The following CENPP variants were observed in gnomAD, a reference collection of about 807,000 sequenced individuals.
The protein encoded by CENPP is centromere protein P.
Under a neutral mutation model 35.6 loss-of-function variants are expected in CENPP, and 24 were observed. That is an observed-to-expected ratio of 0.67 (90% CI 0.49 to 0.95). CENPP has a LOEUF of 0.95. CENPP is among the 40% of genes least tolerant of loss of function. The pLI is 0.00. For missense variants in CENPP, 332 were observed against 345.3 expected (o/e 0.96, Z 0.31); for synonymous variants, 120 against 125.5 (o/e 0.96, Z 0.29).
intron 5 of CENPP, among the ~76,000 whole-genome samples, chr9:92,533,042 T>C (rs1419638642): frequency 6.6e-6 from 1 of 151,864 alleles, no homozygotes; most frequent in Non-Finnish European, 1.5e-5. Context: ...CTCAAGTCTG[T>C]AATGACAGCA....
At chr9:92,412,073 GAATT>G (rs894184002) in intron 5 of CENPP, among the ~76,000 whole-genome samples, 25 of 152,108 alleles carry the variant, frequency 1.6e-4, no homozygotes, top group African/African-American at 4.1e-4. Flanking sequence ...TTTAATTAAT[GAATT>G]AATTAATTAA....
At chr9:92,386,168 T>G (rs1395672256) in intron 5 of CENPP, 1 of 1,446,142 alleles carries the variant, frequency 6.9e-7, no homozygotes, top group Admixed American at 1.7e-5. Flanking sequence ...CATAGGTAAT[T>G]AGAGTCAGAT....
intron 5 of CENPP, among the ~76,000 whole-genome samples, chr9:92,499,747 T>C (rs1013731763): frequency 6.6e-6 from 1 of 152,238 alleles, no homozygotes; most frequent in East Asian, 1.9e-4. Flanking sequence ...TTTTGTTTTG[T>C]CTTTGTAGGC....
At chr9:92,487,834 C>CA (rs1846095131) in intron 5 of CENPP, among the ~76,000 whole-genome samples, 2 of 152,046 alleles carry the variant, frequency 1.3e-5, no homozygotes, top group Non-Finnish European at 2.9e-5. Context: ...GACCCTGTCT[C>CA]AAAAAATAAA....
chr9:92,376,661 C>G (rs1207245983), intron 4 of CENPP, among the ~76,000 whole-genome samples: 2 of 152,158 alleles, frequency 1.3e-5, no homozygotes, highest in Non-Finnish European at 2.9e-5. Context: ...GCCGCCCCAC[C>G]CTAATCTTTT....
intron 3 of CENPP, 26 bp from the exon 4 acceptor site, chr9:92,345,673 T>A: frequency 7.6e-7 from 1 of 1,316,342 alleles, no homozygotes; most frequent in Non-Finnish European, 1.1e-6. Context: ...TGTGCTTTGA[T>A]ACAGAAATTT....
At chr9:92,329,309 C>T (rs980631087) in intron 1 of CENPP, among the ~76,000 whole-genome samples, 12 of 151,624 alleles carry the variant, frequency 7.9e-5, no homozygotes, top group Admixed American at 2.6e-4. Context: ...CTCAGCCTCC[C>T]GAGTAACTGG....
intron 5 of CENPP, among the ~76,000 whole-genome samples, chr9:92,455,409 A>G (rs1362700525): frequency 6.6e-6 from 1 of 151,872 alleles, no homozygotes; most frequent in Non-Finnish European, 1.5e-5. Flanking sequence ...TAAAAAACAA[A>G]CAAAAACCTG....
chr9:92,459,525 G>T (rs905418011), intron 5 of CENPP: 1 of 1,085,960 alleles, frequency 9.2e-7, no homozygotes, highest in Non-Finnish European at 1.3e-6. Context: ...CATTATGTTT[G>T]AATCACCCTT....
intron 3 of CENPP, among the ~76,000 whole-genome samples, chr9:92,338,348 T>A (rs1307271984): frequency 2.0e-5 from 3 of 151,846 alleles, no homozygotes; most frequent in East Asian, 3.9e-4. Context: ...CAATTATCCC[T>A]CAGTATCTGT....
At position 92,615,631 on chromosome 9, in the gene CENPP, C is replaced by G; in HGVS notation, c.*2482C>G. On this transcript the variant is annotated 3_prime_UTR_variant, in exon 8 of 8. Coordinates refer to ENST00000375587, the MANE Select transcript of CENPP (RefSeq NM_001012267.3). ...AGAGTGTGAGCAGCTTCCTGGGACA[C>G]AGCACTCACTTCCTACATTCCTTGT... The G allele has an allele frequency of 1.8e-6, 1 of 559,726 alleles. No homozygotes were observed. Among genetic ancestry groups the G allele is most frequent in the Non-Finnish European group, 3.2e-6 (1 of 312,338 alleles). 34.7% of individuals were successfully genotyped at this position (559,726 alleles called of 1,614,324 possible).
In CENPP at chr9:92,577,441, C is replaced by A. The variant is rs904073254; in HGVS notation, c.565-33873C>A. ...GTGATGTATTCTTATTATGAAATAC[C>A]ATTTAGAATTGAGAAGAACAACACC... On this transcript the variant is annotated intron_variant, in intron 5 of 7. Transcript: ENST00000375587. 2.0e-5 allele frequency among the ~76,000 whole-genome samples: 3 copies of A among 152,064 alleles called. No homozygotes were observed. In the East Asian group the frequency reaches 5.8e-4, roughly 29 times the overall value.
intron 5 of CENPP, among the ~76,000 whole-genome samples, chr9:92,558,568 G>A (rs1372114229): frequency 6.6e-6 from 1 of 152,122 alleles, no homozygotes; most frequent in East Asian, 1.9e-4. Flanking sequence ...GACACCATGA[G>A]GGTCCTTAGC....
At chr9:92,404,701 T>C in intron 5 of CENPP, 1 of 1,219,366 alleles carries the variant, frequency 8.2e-7, no homozygotes, top group Non-Finnish European at 1.0e-6. Flanking sequence ...AAATGCAGTG[T>C]GTTGTACTAG....
intron 5 of CENPP, among the ~76,000 whole-genome samples, chr9:92,387,057 A>G (rs1382883155): frequency 6.7e-6 from 1 of 148,240 alleles, no homozygotes; most frequent in Non-Finnish European, 1.5e-5. Flanking sequence ...CAAAAAGAAA[A>G]AAAAAAAAAA....
chr9:92,432,907 A>T (rs1232582187), intron 5 of CENPP, among the ~76,000 whole-genome samples: 1 of 152,158 alleles, frequency 6.6e-6, no homozygotes, highest in Non-Finnish European at 1.5e-5. Context: ...TACATAATCC[A>T]TTGTATTAGT....
intron 5 of CENPP, among the ~76,000 whole-genome samples, chr9:92,383,162 T>C (rs1842303165): frequency 6.6e-6 from 1 of 152,160 alleles, no homozygotes; most frequent in Non-Finnish European, 1.5e-5. Context: ...CCTCACAAAG[T>C]GCTGGGATTA....
At chr9:92,563,495 C>G (rs1364049908) in intron 5 of CENPP, among the ~76,000 whole-genome samples, 4 of 152,146 alleles carry the variant, frequency 2.6e-5, no homozygotes, top group Non-Finnish European at 5.9e-5. Flanking sequence ...ACGAAGGGAT[C>G]AAATTACTGT....
At chr9:92,359,192 G>A (rs148952168) in intron 4 of CENPP, among the ~76,000 whole-genome samples, 53 of 151,840 alleles carry the variant, frequency 3.5e-4, no homozygotes, top group Admixed American at 1.4e-3. Flanking sequence ...CAGGTGATCC[G>A]CCTGCCTTGG....
Sources: allele counts gnomAD v4.1 joint callset (sites outside exome capture counted in the v4.1 genomes callset), GRCh38; gene constraint gnomAD v4.1.1; transcripts MANE v1.5; gene names NCBI Gene and HGNC (gene_info 2026-07-23, HGNC 2026-07-21).